CNBD1: variants seen among roughly 807,000 people sequenced by gnomAD.
CNBD1 encodes cyclic nucleotide binding domain containing 1, also known as cyclic nucleotide-binding domain-containing protein 1.
CNBD1 carries 71 observed loss-of-function variants against 54.4 expected under a neutral mutation model. That is an observed-to-expected ratio of 1.30 (90% CI 1.08 to 1.59). The LOEUF is 1.59. Among genes scored for constraint, CNBD1 ranks in the 40% most tolerant of loss-of-function variants. The probability of loss-of-function intolerance (pLI) is 0.00; values close to 1 mark genes in which losing one functional copy is unlikely to be tolerated. For missense variants in CNBD1, 659 were observed against 518.0 expected, an observed-to-expected ratio of 1.27 and a Z score of -2.64; for synonymous variants, 182 against 170.7, an observed-to-expected ratio of 1.07 and a Z score of -0.51.
chr8:87,358,081 C>T (rs1190388980), intron 10 of CNBD1, among the ~76,000 whole-genome samples: 1 of 152,124 alleles, frequency 6.6e-6, no homozygotes, highest in African/African-American at 2.4e-5. Context: ...TTCCCGAGGC[C>T]TCATCAGTAG....
At chr8:87,002,018 G>A (rs1017321385) in intron 4 of CNBD1, among the ~76,000 whole-genome samples, 1 of 152,110 alleles carries the variant, frequency 6.6e-6, no homozygotes, top group Non-Finnish European at 1.5e-5. Context: ...GAAGTCAGAG[G>A]TAGGAACCTC....
chr8:87,379,967 G>T (rs1811040971), intron 10 of CNBD1, among the ~76,000 whole-genome samples: 1 of 151,722 alleles, frequency 6.6e-6, no homozygotes, highest in South Asian at 2.1e-4. Flanking sequence ...TTACCAAGTG[G>T]TAAAATCTAG....
At chr8:86,993,024 A>G (rs1194343806) in intron 4 of CNBD1, among the ~76,000 whole-genome samples, 1 of 152,142 alleles carries the variant, frequency 6.6e-6, no homozygotes, top group East Asian at 1.9e-4. Flanking sequence ...GGAAATTTTC[A>G]TGGACCATGT....
At chr8:87,054,299 C>G (rs1207847440) in intron 4 of CNBD1, among the ~76,000 whole-genome samples, 3 of 152,126 alleles carry the variant, frequency 2.0e-5, no homozygotes, top group Non-Finnish European at 4.4e-5. Context: ...CATGCCTCCC[C>G]ACAAGAAAAA....
rs117231046 is a variant in CNBD1, at chr8:86,966,968, G to A, written c.431+27214G>A. Among the ~76,000 whole-genome samples, 717 of 152,232 alleles carry A rather than the reference G, an allele frequency of 4.7e-3. 2 individuals are homozygous for A. The highest frequency in any genetic ancestry group is 7.8e-3 in the Non-Finnish European group (528 of 68,018). Reference sequence around the variant, plus strand: ...CAGTCCATTTTACAGAGTGCTGATTGGTCCGTTTTACAGAGTGCTGATTGG... The same window carrying A: ...CAGTCCATTTTACAGAGTGCTGATTAGTCCGTTTTACAGAGTGCTGATTGG... On this transcript the variant is annotated intron_variant, in intron 4 of 10. Transcript: ENST00000518476.
At chr8:87,126,372 GA>G (rs1378413330) in intron 4 of CNBD1, among the ~76,000 whole-genome samples, 1 of 151,908 alleles carries the variant, frequency 6.6e-6, no homozygotes, top group Non-Finnish European at 1.5e-5. Flanking sequence ...TTTGTGGTTT[GA>G]ATTTGCATTT....
chr8:87,426,259 A>G (rs1229915225), intron 2 of CNBD1, among the ~76,000 whole-genome samples: 1 of 152,186 alleles, frequency 6.6e-6, no homozygotes, highest in Non-Finnish European at 1.5e-5. Flanking sequence ...TCAGATGGAA[A>G]TGCAGAAATC....
At chr8:87,018,646 A>G (rs759765075) in intron 4 of CNBD1, among the ~76,000 whole-genome samples, 1 of 152,130 alleles carries the variant, frequency 6.6e-6, no homozygotes, top group Non-Finnish European at 1.5e-5. Flanking sequence ...TTACTTCCAA[A>G]AAAACCAAGA....
At chr8:86,995,736 C>G (rs1808857367) in intron 4 of CNBD1, among the ~76,000 whole-genome samples, 2 of 151,014 alleles carry the variant, frequency 1.3e-5, no homozygotes, top group African/African-American at 4.9e-5. Context: ...GACAGAGAGT[C>G]AAAAACACAA....
chr8:87,046,657 C>G (rs1235478378), intron 4 of CNBD1, among the ~76,000 whole-genome samples: 1 of 151,958 alleles, frequency 6.6e-6, no homozygotes, highest in East Asian at 1.9e-4. Context: ...AAAGAGGTTC[C>G]CCTTATATCT....
chr8:87,229,794 A>C (rs1449461268), intron 5 of CNBD1, among the ~76,000 whole-genome samples: 1 of 152,192 alleles, frequency 6.6e-6, no homozygotes, highest in Non-Finnish European at 1.5e-5. Context: ...TTAAAAAAAA[A>C]CTTTTATTTT....
chr8:87,323,641 T>C (rs908459564), intron 8 of CNBD1, among the ~76,000 whole-genome samples: 6 of 134,002 alleles, frequency 4.5e-5, no homozygotes, highest in Non-Finnish European at 5.0e-5. Flanking sequence ...GTGATTTTTG[T>C]ACATTGATTT....
At chr8:86,880,210 C>A (rs1808584518) in intron 1 of CNBD1, among the ~76,000 whole-genome samples, 1 of 121,154 alleles carries the variant, frequency 8.3e-6, no homozygotes. Flanking sequence ...GTCACACAGC[C>A]CTACTTGGTG....
intron 10 of CNBD1, among the ~76,000 whole-genome samples, chr8:87,380,565 G>A (rs1009915723): frequency 6.6e-6 from 1 of 151,860 alleles, no homozygotes; most frequent in Non-Finnish European, 1.5e-5. Context: ...AGCACCATTA[G>A]GATTTTAATA....
intron 1 of CNBD1, 136 bp downstream of exon 1, chr8:86,866,719 A>G: frequency 1.5e-6 from 1 of 667,712 alleles, no homozygotes. Context: ...GAAGAATGGA[A>G]AGAACATAGA....
chr8:87,287,244 ATT>A (rs532976251), intron 8 of CNBD1, among the ~76,000 whole-genome samples: 81 of 152,294 alleles, frequency 5.3e-4, no homozygotes, highest in African/African-American at 1.9e-3. Context: ...TGTAGGTGGT[ATT>A]GAGTCATTTT....
At chr8:87,275,910 G>A (rs1808469722) in intron 6 of CNBD1, among the ~76,000 whole-genome samples, 1 of 151,872 alleles carries the variant, frequency 6.6e-6, no homozygotes, top group African/African-American at 2.4e-5. Flanking sequence ...AAAATCACAA[G>A]TATTCTTATA....
At chr8:87,233,429 G>A (rs529488719) in intron 5 of CNBD1, among the ~76,000 whole-genome samples, 8 of 152,176 alleles carry the variant, frequency 5.3e-5, no homozygotes, top group Admixed American at 1.3e-4. Flanking sequence ...TTGCATTATC[G>A]TGTAGTCTAT....
chr8:87,240,255 C>G (rs530510495), intron 6 of CNBD1, among the ~76,000 whole-genome samples: 14 of 152,076 alleles, frequency 9.2e-5, no homozygotes, highest in Admixed American at 2.0e-4. Flanking sequence ...GTTGAAGATT[C>G]TCAATAATTA....
Sources: gnomAD v4.1 joint callset for allele counts (sites outside exome capture counted in the v4.1 genomes callset) on GRCh38, gnomAD v4.1.1 for gene constraint, MANE v1.5 for transcripts, NCBI Gene and HGNC (gene_info 2026-07-23, HGNC 2026-07-21) for gene names.